NPC1: variants seen among roughly 807,000 people sequenced by gnomAD.
NPC1 encodes the protein Niemann-Pick C1 protein.
Under a neutral mutation model 140.4 loss-of-function variants are expected in NPC1, and 85 were observed. The observed-to-expected ratio is 0.61, with a 90% CI of 0.51 to 0.72. The LOEUF (loss-of-function observed/expected upper bound fraction) is 0.72, where lower values mean the gene tolerates loss of function less well. Among genes scored for constraint, NPC1 ranks in the 30% least tolerant of loss-of-function variants. The pLI, the probability that NPC1 is intolerant of heterozygous loss-of-function variation, is 0.00. For missense variants in NPC1, 1,504 were observed against 1,623.8 expected (o/e 0.93, Z 1.27); for synonymous variants, 656 against 624.8 (o/e 1.05, Z -0.74).
chr18:23,524,575 T>G, downstream of NPC1: 3 of 1,308,858 alleles, frequency 2.3e-6, no homozygotes, highest in Non-Finnish European at 3.3e-6. Context: ...GGTGAATCTC[T>G]TAGAAATGAC....
chr18:23,529,606 T>A, downstream of NPC1: 1 of 1,593,276 alleles, frequency 6.3e-7, no homozygotes, highest in Non-Finnish European at 8.6e-7. Flanking sequence ...CTCGTTGGTA[T>A]TTGTAAGACC....
At position 23,586,478 on chromosome 18, in the gene NPC1, G is replaced by A. The variant is rs886053669; in HGVS notation, c.-135C>T. The A allele has an allele frequency of 2.8e-6, 4 of 1,432,788 alleles. No individual in the cohort carries two copies. Among genetic ancestry groups the A allele is most frequent in the East Asian group, 2.8e-5 (1 of 35,892 alleles). The allele number at this position is 1,432,788 out of a possible 1,614,324, so 88.8% of individuals were successfully genotyped here. A position where few individuals can be genotyped will look rare whatever the true frequency, so the allele number is the denominator to read the frequency against. ...GGAGCAGGAGCAGGCGCTGACCGCGGCAGCAGGCTGCGCGCGCCGGTCAGG... is the reference window on the plus strand; with the variant it reads ...GGAGCAGGAGCAGGCGCTGACCGCGACAGCAGGCTGCGCGCGCCGGTCAGG... On this transcript the variant is annotated 5_prime_UTR_variant, in exon 1 of 25. Transcript: ENST00000269228.
Position 23,572,301 on chromosome 18 carries a change from C to T in NPC1, c.181-121G>A, listed in dbSNP as rs2059215531. ...TTTTGAAGTACAAAAGGGTAAGACA[C>T]ATCCTGTATTTGCAAAGTTATTATA... On this transcript the variant is annotated intron_variant, in intron 2 of 24. Coordinates refer to ENST00000269228, the MANE Select transcript of NPC1 (RefSeq NM_000271.5). The T allele has an allele frequency of 4.3e-6, 3 of 702,834 alleles. No individual in the cohort carries two copies. The East Asian group carries it at 8.4e-5, about 20-fold the overall frequency. The allele number at this position is 702,834 out of a possible 1,614,324, so 43.5% of individuals were successfully genotyped here.
rs375942184 is a variant in NPC1 at position 23,535,450 on chromosome 18, A to G, written c.3477+19T>C. 427 of 1,555,474 alleles carry G rather than the reference A, an allele frequency of 2.7e-4. 1 individual carries two copies. The highest frequency in any genetic ancestry group is 3.5e-4 in the Non-Finnish European group (398 of 1,131,258). ...TGAAACAGGAGCTAGGGACAAACTGAGACTGTATGAGGACTCACCATCACC... is the reference window on the plus strand; with the variant it reads ...TGAAACAGGAGCTAGGGACAAACTGGGACTGTATGAGGACTCACCATCACC... On this transcript the variant is annotated intron_variant, in intron 22 of 24. Transcript: ENST00000269228.
intron 21 of NPC1, 35 bp from the exon 22 acceptor site, chr18:23,535,735 C>T (rs756921783): frequency 2.9e-6 from 4 of 1,380,132 alleles, no homozygotes; most frequent in South Asian, 2.3e-5. Flanking sequence ...TTAAAGCTCG[C>T]TCTCACTCCC....
chr18:23,581,105 A>G (rs897038948), intron 1 of NPC1, among the ~76,000 whole-genome samples: 19 of 152,260 alleles, frequency 1.2e-4, no homozygotes, highest in Admixed American at 1.2e-3. Context: ...ACCCAAGGTC[A>G]TATTACTAGT....
At chr18:23,562,454 C>G (rs2059057215) in intron 4 of NPC1, among the ~76,000 whole-genome samples, 1 of 151,874 alleles carries the variant, frequency 6.6e-6, no homozygotes, top group Non-Finnish European at 1.5e-5. Flanking sequence ...ATTTACCAGT[C>G]TCTGCTTGCT....
chr18:23,540,457 CGAAA>C lies in NPC1; in HGVS notation c.2591_2594del (p.Leu864ArgfsTer71). Reference sequence around the variant, plus strand: ...AAGGAAGTCATCTTACATCTGGCATCGAAAGAGACTGATCCAATCCAATATCTAC... The same window carrying C: ...AAGGAAGTCATCTTACATCTGGCATCGAGACTGATCCAATCCAATATCTAC... On this transcript the variant is annotated frameshift_variant, in exon 17 of 25. Coordinates refer to ENST00000269228, the MANE Select transcript of NPC1 (RefSeq NM_000271.5). LOFTEE classifies it high-confidence loss of function. 6.3e-7 allele frequency: 1 copy of C among 1,599,264 alleles called. No homozygotes were observed. The highest frequency in any genetic ancestry group is 8.6e-7 in the Non-Finnish European group (1 of 1,168,040).
intron 3 of NPC1, among the ~76,000 whole-genome samples, chr18:23,513,274 C>T (rs2057912035): frequency 6.6e-6 from 1 of 152,176 alleles, no homozygotes; most frequent in African/African-American, 2.4e-5. Context: ...ACCTTTTATA[C>T]TTCATATAAG....
intron 23 of NPC1, 37 bp downstream of exon 23, chr18:23,534,409 G>T: frequency 7.4e-7 from 1 of 1,353,006 alleles, no homozygotes; most frequent in Non-Finnish European, 1.1e-6. Context: ...ACTTTGTGGT[G>T]CGACTCTGCC....
In NPC1 at chr18:23,538,604, TC is replaced by T. The variant is rs775915490; in HGVS notation, c.2978del (p.Gly993GlufsTer4). The T allele has an allele frequency of 4.3e-6, 7 of 1,613,848 alleles. No homozygotes were observed. The highest frequency in any genetic ancestry group is 5.9e-6 in the Non-Finnish European group (7 of 1,179,932). On this transcript the variant is annotated frameshift_variant, in exon 20 of 25. Coordinates refer to ENST00000269228, the MANE Select transcript of NPC1 (RefSeq NM_000271.5). LOFTEE classifies it high-confidence loss of function. The part of the protein sequence containing the change: ...TPEGKQRPQG[G>X]DFMRFLPMFL... ...ACATGGGCAGGAATCTCATGAAGTC[TC>T]CCCCCTGAGGCCTCTGTTTGCCTTC...
At chr18:23,558,906 C>T (rs1204666665) in intron 6 of NPC1, among the ~76,000 whole-genome samples, 2 of 151,934 alleles carry the variant, frequency 1.3e-5, no homozygotes, top group African/African-American at 2.4e-5. Context: ...CGGTGTGTGA[C>T]GTTCCCCTTC....
chr18:23,522,455 T>G (rs1365573173), exon 2 of NPC1: 1 of 152,196 alleles, frequency 6.6e-6, no homozygotes, highest in Non-Finnish European at 1.5e-5. Context: ...TCTTAAACTT[T>G]CTTAAAACAT....
At chr18:23,533,169 C>A in intron 24 of NPC1, 186 bp downstream of exon 24, 2 of 714,938 alleles carry the variant, frequency 2.8e-6, no homozygotes, top group East Asian at 2.8e-5. Context: ...ATAAAGTAGT[C>A]TGCACCATCA....
At chr18:23,548,326 AG>A (rs2058817875) in intron 10 of NPC1, among the ~76,000 whole-genome samples, 1 of 149,386 alleles carries the variant, frequency 6.7e-6, no homozygotes, top group East Asian at 1.9e-4. Flanking sequence ...GTTATCATTC[AG>A]GAAGAGTAAC....
chr18:23,555,127 T>C, intron 8 of NPC1, 143 bp from the exon 9 acceptor site: 2 of 700,594 alleles, frequency 2.9e-6, no homozygotes, highest in South Asian at 3.2e-5. Context: ...AGAATTAAGA[T>C]GCAATACAGT....
At chr18:23,517,653 G>A (rs1311416968), downstream of NPC1, among the ~76,000 whole-genome samples, 3 of 152,198 alleles carry the variant, frequency 2.0e-5, no homozygotes, top group East Asian at 5.8e-4. Context: ...CTTTATGGTA[G>A]TTAGTATAAT....
chr18:23,555,887 T>C (rs930987583), intron 8 of NPC1, among the ~76,000 whole-genome samples: 17 of 152,182 alleles, frequency 1.1e-4, no homozygotes, highest in African/African-American at 3.9e-4. Context: ...TACTTTCAGT[T>C]ACCAACAGAA....
chr18:23,534,401 T>A (rs1192190199), intron 23 of NPC1, 45 bp downstream of exon 23: 1 of 1,285,184 alleles, frequency 7.8e-7, no homozygotes, highest in African/African-American at 1.5e-5. Context: ...GGAGGATTAC[T>A]TTGTGGTGCG....
Sources: gnomAD v4.1 joint callset for allele counts (sites outside exome capture counted in the v4.1 genomes callset) on GRCh38, gnomAD v4.1.1 for gene constraint, MANE v1.5 for transcripts, NCBI Gene and HGNC (gene_info 2026-07-23, HGNC 2026-07-21) for gene names.